The following COLGALT2 variants were observed in gnomAD, a reference collection of about 807,000 sequenced individuals.
The protein encoded by COLGALT2 is procollagen galactosyltransferase 2.
A neutral mutation model predicts 73.4 loss-of-function variants in COLGALT2; 49 were observed. The ratio of observed to expected loss-of-function variants is 0.67; its 90% CI spans 0.53 to 0.85. The LOEUF (loss-of-function observed/expected upper bound fraction) is 0.85, where lower values mean the gene tolerates loss of function less well. Among genes scored for constraint, COLGALT2 ranks in the 40% least tolerant of loss-of-function variants. COLGALT2 has a pLI of 0.00. For missense variants in COLGALT2, 722 were observed against 790.2 expected, an observed-to-expected ratio of 0.91 and a Z score of 1.03; for synonymous variants, 295 against 307.6, an observed-to-expected ratio of 0.96 and a Z score of 0.43.
intron 1 of COLGALT2, among the ~76,000 whole-genome samples, chr1:183,980,255 T>C (rs2102821199): frequency 6.6e-6 from 1 of 151,900 alleles, no homozygotes; most frequent in East Asian, 1.9e-4. Flanking sequence ...TAGAAAGTTG[T>C]GAGATATAAA....
Position 183,936,862 on chromosome 1 carries a change from A to G in COLGALT2, c.*1899T>C, listed in dbSNP as rs1669968886. On this transcript the variant is annotated 3_prime_UTR_variant, in exon 12 of 12. Transcript: ENST00000361927. ...TGCTGGTCAGTGTAGAAGGGTACCC[A>G]CAGTGAGTCGGGAAGGAAGGCCGAG... 3.2e-6 allele frequency: 4 copies of G among 1,231,748 alleles called. No homozygotes were observed. Among genetic ancestry groups the G allele is most frequent in the Non-Finnish European group, 4.0e-6 (4 of 988,028 alleles). 76.3% of individuals were successfully genotyped at this position (1,231,748 alleles called of 1,614,324 possible). A position where few individuals can be genotyped will look rare whatever the true frequency, so the allele number is the denominator to read the frequency against.
intron 1 of COLGALT2, among the ~76,000 whole-genome samples, chr1:184,036,291 G>C (rs896233317): frequency 6.6e-6 from 1 of 152,240 alleles, no homozygotes; most frequent in Non-Finnish European, 1.5e-5. Flanking sequence ...GGGGCGGGCA[G>C]GCACCCGCAC....
Position 184,037,203 on chromosome 1 carries a change from C to T in COLGALT2, c.155G>A (p.Ser52Asn), listed in dbSNP as rs753095995. 5 of 1,604,532 alleles carry T rather than the reference C, an allele frequency of 3.1e-6. No individual in the cohort carries two copies. Among genetic ancestry groups the T allele is most frequent in the South Asian group, 2.2e-5 (2 of 89,994 alleles). Reference protein sequence around the residue: ...PVVFPESPLQSPTVLVAVLAR... With the variant: ...PVVFPESPLQNPTVLVAVLAR... ...GAGGACCGCCACGAGCACCGTGGGGCTCTGCAGGGGCGACTCCGGGAAAAC... is the reference window on the plus strand; with the variant it reads ...GAGGACCGCCACGAGCACCGTGGGGTTCTGCAGGGGCGACTCCGGGAAAAC... The change falls in exon 1 of 12, where the codon AGC becomes AAC. Residue 52 changes from serine to asparagine, a missense_variant. By Grantham distance (46) the Ser-to-Asn change is conservative. Transcript: ENST00000361927.
intron 1 of COLGALT2, among the ~76,000 whole-genome samples, chr1:183,981,516 T>C (rs1448241261): frequency 1.3e-5 from 2 of 148,272 alleles, no homozygotes; most frequent in African/African-American, 2.5e-5. Context: ...ATTAGCTGGG[T>C]ATGGTGGCAC....
chr1:183,991,245 G>A (rs774192026), intron 1 of COLGALT2, among the ~76,000 whole-genome samples: 2 of 151,992 alleles, frequency 1.3e-5, no homozygotes, highest in African/African-American at 4.8e-5. Context: ...TCAATGACAC[G>A]AACAAAAATA....
chr1:184,029,437 T>C (rs1649434504), intron 1 of COLGALT2, among the ~76,000 whole-genome samples: 1 of 152,116 alleles, frequency 6.6e-6, no homozygotes, highest in Admixed American at 6.5e-5. Flanking sequence ...ACCACCCAAA[T>C]GTCAACATGG....
intron 1 of COLGALT2, among the ~76,000 whole-genome samples, chr1:184,016,289 C>T (rs916583767): frequency 6.6e-6 from 1 of 152,218 alleles, no homozygotes; most frequent in Non-Finnish European, 1.5e-5. Flanking sequence ...TAAGTCAATG[C>T]GGCAAAAGCA....
At position 183,938,627 on chromosome 1, in the gene COLGALT2, A is replaced by C; in HGVS notation, c.*134T>G. The C allele has an allele frequency of 6.9e-7, 1 of 1,457,404 alleles. No individual in the cohort carries two copies. Among genetic ancestry groups the C allele is most frequent in the Non-Finnish European group, 9.1e-7 (1 of 1,103,204 alleles). 90.3% of individuals were successfully genotyped at this position (1,457,404 alleles called of 1,614,324 possible). A position where few individuals can be genotyped will look rare whatever the true frequency, so the allele number is the denominator to read the frequency against. ...AAATATGTTAATTTCGATCTATCAC[A>C]CTAGATCACTTTGGTTAGATGACTG... On this transcript the variant is annotated 3_prime_UTR_variant, in exon 12 of 12. Coordinates refer to ENST00000361927, the MANE Select transcript of COLGALT2 (RefSeq NM_015101.4).
At chr1:184,014,097 T>A (rs1648921479) in intron 1 of COLGALT2, among the ~76,000 whole-genome samples, 1 of 152,130 alleles carries the variant, frequency 6.6e-6, no homozygotes, top group East Asian at 1.9e-4. Flanking sequence ...AGAGACACCA[T>A]CAGGGAGAGA....
At chr1:183,985,956 G>T (rs1671478433) in intron 1 of COLGALT2, among the ~76,000 whole-genome samples, 2 of 152,116 alleles carry the variant, frequency 1.3e-5, no homozygotes, top group South Asian at 4.1e-4. Flanking sequence ...AAAATAAACA[G>T]CTCCACCTAA....
intron 10 of COLGALT2, among the ~76,000 whole-genome samples, chr1:183,943,767 A>G (rs566113730): frequency 6.6e-6 from 1 of 152,334 alleles, no homozygotes; most frequent in Non-Finnish European, 1.5e-5. Flanking sequence ...CGGAAGCTGC[A>G]GAGGCAACCT....
intron 1 of COLGALT2, among the ~76,000 whole-genome samples, chr1:184,005,312 C>T (rs964233179): frequency 1.3e-5 from 2 of 152,216 alleles, no homozygotes; most frequent in African/African-American, 4.8e-5. Context: ...CTAGTCCTGG[C>T]AGAGGCTCCC....
At chr1:184,014,046 T>C (rs1444797149) in intron 1 of COLGALT2, among the ~76,000 whole-genome samples, 1 of 152,130 alleles carries the variant, frequency 6.6e-6, no homozygotes, top group East Asian at 1.9e-4. Flanking sequence ...CTCTGGACCA[T>C]TCACATGAAA....
At chr1:183,956,146 T>C (rs1410305205) in intron 6 of COLGALT2, among the ~76,000 whole-genome samples, 1 of 152,246 alleles carries the variant, frequency 6.6e-6, no homozygotes, top group Non-Finnish European at 1.5e-5. Flanking sequence ...AATCAGATTT[T>C]TATATTCCAG....
chr1:183,945,811 TCA>T (rs1343111225), intron 8 of COLGALT2: 1 of 508,764 alleles, frequency 2.0e-6, no homozygotes, highest in East Asian at 3.2e-5. Flanking sequence ...CTAAGCATCA[TCA>T]GTTTTTTGAC....
chr1:184,016,560 T>G (rs1044499651), intron 1 of COLGALT2, among the ~76,000 whole-genome samples: 4 of 152,182 alleles, frequency 2.6e-5, no homozygotes, highest in Non-Finnish European at 4.4e-5. Context: ...AGCAGGCAGG[T>G]GCTGTGTTTT....
intron 1 of COLGALT2, among the ~76,000 whole-genome samples, chr1:184,019,248 A>T (rs1649099172): frequency 6.6e-6 from 1 of 151,842 alleles, no homozygotes; most frequent in African/African-American, 2.4e-5. Flanking sequence ...CCTGGCAGTT[A>T]TCTCATTTTT....
intron 1 of COLGALT2, among the ~76,000 whole-genome samples, chr1:184,009,115 T>C (rs1672167164): frequency 1.3e-5 from 2 of 152,222 alleles, no homozygotes; most frequent in African/African-American, 4.8e-5. Context: ...TAAGATCTAA[T>C]AGACAAGAAG....
At chr1:184,028,010 T>C (rs1487587435) in intron 1 of COLGALT2, among the ~76,000 whole-genome samples, 2 of 152,198 alleles carry the variant, frequency 1.3e-5, no homozygotes, top group Middle Eastern at 3.2e-3. Context: ...TACTGTTCAA[T>C]GGTGCAGTGA....
Sources: allele counts gnomAD v4.1 joint callset (sites outside exome capture counted in the v4.1 genomes callset), GRCh38; gene constraint gnomAD v4.1.1; transcripts MANE v1.5; gene names NCBI Gene and HGNC (gene_info 2026-07-23, HGNC 2026-07-21).